TLE1: variants seen among roughly 807,000 people sequenced by gnomAD.
TLE1 encodes the protein transducin-like enhancer protein 1.
TLE1 carries 21 observed loss-of-function variants against 89.8 expected under a neutral mutation model. The observed-to-expected ratio is 0.23, with a 90% CI of 0.17 to 0.34. The LOEUF is 0.34. Ranked by LOEUF, TLE1 falls within the 10% of genes least tolerant of loss-of-function variation. The pLI, the probability that TLE1 is intolerant of heterozygous loss-of-function variation, is 1.00. For missense variants in TLE1, 795 were observed against 1,031.2 expected, an observed-to-expected ratio of 0.77 and a Z score of 3.14; for synonymous variants, 447 against 407.6, an observed-to-expected ratio of 1.10 and a Z score of -1.16.
chr9:81,653,784 G>A (rs1829839560), intron 5 of TLE1, among the ~76,000 whole-genome samples, 190 bp downstream of exon 5: 1 of 152,064 alleles, frequency 6.6e-6, no homozygotes, highest in South Asian at 2.1e-4. Flanking sequence ...TGGGGGTTGA[G>A]CTATTGTCAC....
intron 8 of TLE1, among the ~76,000 whole-genome samples, chr9:81,631,823 C>CCGGGCATGGTGG (rs1423647929): frequency 6.6e-6 from 1 of 152,216 alleles, no homozygotes; most frequent in Non-Finnish European, 1.5e-5. Context: ...GACTATCTCA[C>CCGGGCATGGTGG]CGGGCATGGT....
At chr9:81,687,741 T>A (rs1834513063) in intron 1 of TLE1, among the ~76,000 whole-genome samples, 1 of 151,908 alleles carries the variant, frequency 6.6e-6, no homozygotes, top group Admixed American at 6.5e-5. Context: ...GGCCAGATTG[T>A]CGGTGTCGCC....
intron 4 of TLE1, among the ~76,000 whole-genome samples, chr9:81,664,233 A>T (rs1831180473): frequency 6.6e-6 from 1 of 151,688 alleles, no homozygotes; most frequent in Non-Finnish European, 1.5e-5. Context: ...TGGGCAACAC[A>T]GCAAGACACT....
chr9:81,635,511 C>G (rs1037540660), intron 6 of TLE1, among the ~76,000 whole-genome samples: 1 of 152,120 alleles, frequency 6.6e-6, no homozygotes, highest in Non-Finnish European at 1.5e-5. Context: ...GCCCCTGTAC[C>G]ATGAATCTGG....
Position 81,639,108 on chromosome 9 carries a change from T to C in TLE1, c.373-4807A>G, listed in dbSNP as rs552752197. 1.4e-3 allele frequency among the ~76,000 whole-genome samples: 216 copies of C among 151,812 alleles called. 1 individual carries two copies. Among genetic ancestry groups the C allele is most frequent in the Non-Finnish European group, 2.7e-3 (182 of 67,932 alleles). On this transcript the variant is annotated intron_variant, in intron 6 of 19. Transcript: ENST00000376499. ...ACTACACTTGGCTAATTTTTTTTTA[T>C]AGAGATGGGGTCTCACCATGTTGCC...
chr9:81,598,889 A>T (rs531872715), intron 14 of TLE1, among the ~76,000 whole-genome samples: 1 of 152,338 alleles, frequency 6.6e-6, no homozygotes, highest in Non-Finnish European at 1.5e-5. Context: ...ACCAGAGGTC[A>T]CATGGAACAA....
intron 6 of TLE1, among the ~76,000 whole-genome samples, chr9:81,651,005 G>A (rs1434802707): frequency 6.6e-6 from 1 of 152,080 alleles, no homozygotes; most frequent in East Asian, 1.9e-4. Flanking sequence ...AATCCTCCTT[G>A]GCTCTTATGT....
chr9:81,686,733 T>C (rs970386104), intron 2 of TLE1, among the ~76,000 whole-genome samples: 2 of 152,200 alleles, frequency 1.3e-5, no homozygotes, highest in African/African-American at 2.4e-5. Context: ...GTCTCATTAC[T>C]TGAAGAAACT....
At chr9:81,616,447 CT>C (rs911368469) in intron 10 of TLE1, among the ~76,000 whole-genome samples, 198 bp downstream of exon 10, 12 of 152,198 alleles carry the variant, frequency 7.9e-5, no homozygotes, top group African/African-American at 2.6e-4. Flanking sequence ...AGAGAAATAT[CT>C]TTTTTTAAAG....
In TLE1 at chr9:81,669,822, C is replaced by T. The variant is rs573749663; in HGVS notation, c.235-15786G>A. Among the ~76,000 whole-genome samples, 11 of 152,250 alleles carry T rather than the reference C, an allele frequency of 7.2e-5. 1 individual carries two copies. Among genetic ancestry groups the T allele is most frequent in the African/African-American group, 2.4e-4 (10 of 41,530 alleles). ...ATAGAATAAATAAATGTTAATAACC[C>T]TGACTTTATACCAACGGTCCCCCTT... On this transcript the variant is annotated intron_variant, in intron 4 of 19. Coordinates refer to ENST00000376499, the MANE Select transcript of TLE1 (RefSeq NM_005077.5).
intron 14 of TLE1, among the ~76,000 whole-genome samples, chr9:81,609,093 T>C (rs1473565520): frequency 1.3e-5 from 2 of 151,892 alleles, no homozygotes; most frequent in African/African-American, 2.4e-5. Context: ...TTTCCTTTCC[T>C]TTCCTTTTTG....
At chr9:81,666,318 A>T (rs1018682834) in intron 4 of TLE1, among the ~76,000 whole-genome samples, 1 of 152,096 alleles carries the variant, frequency 6.6e-6, no homozygotes, top group African/African-American at 2.4e-5. Context: ...CCTGGGCCAC[A>T]CCCCAAGCAA....
intron 4 of TLE1, among the ~76,000 whole-genome samples, chr9:81,654,448 C>T (rs1453408177): frequency 6.6e-6 from 1 of 152,206 alleles, no homozygotes; most frequent in African/African-American, 2.4e-5. Context: ...TCACACCCTT[C>T]TCCTGCCTCA....
At chr9:81,627,631 C>T (rs1226239289) in intron 8 of TLE1, among the ~76,000 whole-genome samples, 1 of 152,156 alleles carries the variant, frequency 6.6e-6, no homozygotes, top group African/African-American at 2.4e-5. Flanking sequence ...TAAGTGTTTT[C>T]CATTGTGCCC....
At chr9:81,649,244 AT>A (rs1829244942) in intron 6 of TLE1, among the ~76,000 whole-genome samples, 1 of 152,162 alleles carries the variant, frequency 6.6e-6, no homozygotes, top group South Asian at 2.1e-4. Context: ...AAAATTCAGT[AT>A]TTTTTGTCAG....
Position 81,583,764 on chromosome 9 carries a change from A to G in TLE1, c.*434T>C, listed in dbSNP as rs978202103. ...ATGTTTAACCTTCAACAAAAATACA[A>G]AAAAACATTTCACAAGATGCAAAAC... On this transcript the variant is annotated 3_prime_UTR_variant, in exon 20 of 20. Coordinates refer to ENST00000376499, the MANE Select transcript of TLE1 (RefSeq NM_005077.5). The G allele has an allele frequency of 2.5e-5, 4 of 161,598 alleles. No individual in the cohort carries two copies. Among genetic ancestry groups the G allele is most frequent in the African/African-American group, 9.6e-5 (4 of 41,796 alleles). The allele number at this position is 161,598 out of a possible 1,614,324, so 10.0% of individuals were successfully genotyped here. A position where few individuals can be genotyped will look rare whatever the true frequency, so the allele number is the denominator to read the frequency against.
intron 14 of TLE1, among the ~76,000 whole-genome samples, chr9:81,608,697 G>A (rs1823294388): frequency 1.3e-5 from 2 of 152,110 alleles, no homozygotes; most frequent in Non-Finnish European, 2.9e-5. Flanking sequence ...AACACTTTGG[G>A]AGGCTGAGCA....
At chr9:81,655,928 C>G (rs1830106458) in intron 4 of TLE1, among the ~76,000 whole-genome samples, 1 of 151,916 alleles carries the variant, frequency 6.6e-6, no homozygotes, top group African/African-American at 2.4e-5. Flanking sequence ...AAACAGCAGC[C>G]TTGTATCTTC....
At chr9:81,664,636 G>A (rs1421296480) in intron 4 of TLE1, among the ~76,000 whole-genome samples, 3 of 151,596 alleles carry the variant, frequency 2.0e-5, no homozygotes, top group African/African-American at 7.3e-5. Flanking sequence ...GCTGAGGCAG[G>A]AGGATACCTT....
Sources: allele counts gnomAD v4.1 joint callset (sites outside exome capture counted in the v4.1 genomes callset), GRCh38; gene constraint gnomAD v4.1.1; transcripts MANE v1.5; gene names NCBI Gene and HGNC (gene_info 2026-07-23, HGNC 2026-07-21).